IRGM: variants seen among roughly 807,000 people sequenced by gnomAD.
IRGM encodes the protein immunity related GTPase M.
For synonymous variants in IRGM, 98 were observed against 80.6 expected, an observed-to-expected ratio of 1.22 and a Z score of -1.16; for missense variants, 288 against 219.9, an observed-to-expected ratio of 1.31 and a Z score of -1.96.
Position 150,848,504 on chromosome 5 carries a change from T to A in IRGM, c.381T>A (p.His127Gln). ...MVASAQFSMN[H>Q]VMLAKTAEDM... Reference sequence around the variant, plus strand: ...CATCTGCACAATTCAGCATGAATCATGTGATGCTTGCCAAAACCGCTGAGG... The same window carrying A: ...CATCTGCACAATTCAGCATGAATCAAGTGATGCTTGCCAAAACCGCTGAGG... Residue 127 changes from histidine to glutamine, a missense_variant, in exon 2 of 2, where the codon CAT becomes CAA. By Grantham distance (24) the His-to-Gln change is conservative. Transcript: ENST00000522154. 6.4e-7 allele frequency: 1 copy of A among 1,551,862 alleles called. No individual in the cohort carries two copies. The highest frequency in any genetic ancestry group is 8.7e-7 in the Non-Finnish European group (1 of 1,146,988).
rs569395551 is a variant in IRGM, at chr5:150,848,695, A to G, written c.*26A>G. 2.8e-5 allele frequency: 40 copies of G among 1,425,334 alleles called. No individual in the cohort carries two copies. The highest frequency in any genetic ancestry group is 5.7e-5 in the African/African-American group (4 of 70,056). 88.3% of individuals were successfully genotyped at this position (1,425,334 alleles called of 1,614,324 possible). A position where few individuals can be genotyped will look rare whatever the true frequency, so the allele number is the denominator to read the frequency against. ...TTCCTGTCTTCATTAAACATTTTCC[A>G]TCTCCTCCTATTGATTCCTTTTCTC... On this transcript the variant is annotated 3_prime_UTR_variant, in exon 2 of 2. Coordinates refer to ENST00000522154, the MANE Select transcript of IRGM (RefSeq NM_001145805.2).
At chr5:150,894,230 G>A (rs1290874419) in intron 3 of IRGM, among the ~76,000 whole-genome samples, 1 of 152,008 alleles carries the variant, frequency 6.6e-6, no homozygotes, top group African/African-American at 2.4e-5. Flanking sequence ...GCTTATGGGG[G>A]AATGGATGGA....
At chr5:150,882,209 G>A (rs768051172) in intron 3 of IRGM, among the ~76,000 whole-genome samples, 7 of 146,630 alleles carry the variant, frequency 4.8e-5, no homozygotes, top group Admixed American at 1.3e-4. Flanking sequence ...ACAGAATGAG[G>A]CCCTGTCTCA....
chr5:150,893,138 ATT>A (rs1754642676), intron 3 of IRGM, among the ~76,000 whole-genome samples: 1 of 152,054 alleles, frequency 6.6e-6, no homozygotes, highest in African/African-American at 2.4e-5. Context: ...TATGCAGTAA[ATT>A]TGTTTTTTCT....
chr5:150,873,156 A>G (rs781082240), intron 1 of IRGM, among the ~76,000 whole-genome samples: 5 of 152,248 alleles, frequency 3.3e-5, no homozygotes, highest in African/African-American at 7.2e-5. Flanking sequence ...TGACTCATGT[A>G]GAGCTCTGGC....
At chr5:150,874,843 T>G (rs1041143513) in intron 1 of IRGM, among the ~76,000 whole-genome samples, 15 of 152,172 alleles carry the variant, frequency 9.9e-5, no homozygotes, top group Non-Finnish European at 1.8e-4. Context: ...ATAACTACTC[T>G]CCTTTTGAGA....
chr5:150,867,863 C>T (rs186442626), intron 1 of IRGM, among the ~76,000 whole-genome samples: 49 of 148,790 alleles, frequency 3.3e-4, no homozygotes, highest in Non-Finnish European at 6.6e-4. Flanking sequence ...TCTTTTAGTT[C>T]CTTGTAGATT....
intron 3 of IRGM, among the ~76,000 whole-genome samples, chr5:150,899,335 G>T (rs1466900679): frequency 6.6e-6 from 1 of 151,836 alleles, no homozygotes; most frequent in Non-Finnish European, 1.5e-5. Context: ...AGTACTAAAG[G>T]CCATAAAAGT....
At chr5:150,850,946 T>G (rs983298020), downstream of IRGM, among the ~76,000 whole-genome samples, 1 of 152,206 alleles carries the variant, frequency 6.6e-6, no homozygotes, top group South Asian at 2.1e-4. Context: ...AGCTTTCTAT[T>G]TTAATGAGCA....
chr5:150,870,997 T>C (rs1174993163), intron 1 of IRGM, among the ~76,000 whole-genome samples: 1 of 150,454 alleles, frequency 6.6e-6, no homozygotes, highest in South Asian at 2.1e-4. Flanking sequence ...AAAAGTGGTA[T>C]GGTGGGAGGA....
At chr5:150,851,318 C>T (rs1372158713), downstream of IRGM, among the ~76,000 whole-genome samples, 3 of 152,066 alleles carry the variant, frequency 2.0e-5, no homozygotes, top group Non-Finnish European at 4.4e-5. Flanking sequence ...CATCTTCCTC[C>T]CCCTTATCTG....
intron 1 of IRGM, among the ~76,000 whole-genome samples, chr5:150,856,101 G>A (rs990329350): frequency 6.6e-6 from 1 of 152,074 alleles, no homozygotes; most frequent in Non-Finnish European, 1.5e-5. Context: ...GTATATATAT[G>A]TCCAAATTTT....
intron 2 of IRGM, among the ~76,000 whole-genome samples, chr5:150,879,040 C>T (rs771950583): frequency 1.3e-5 from 2 of 152,080 alleles, no homozygotes; most frequent in Non-Finnish European, 2.9e-5. Flanking sequence ...CTAGTAATTA[C>T]TTAGGTCACT....
intron 1 of IRGM, among the ~76,000 whole-genome samples, chr5:150,871,959 T>C (rs551922783): frequency 2.2e-4 from 34 of 152,318 alleles, no homozygotes; most frequent in Admixed American, 5.9e-4. Flanking sequence ...CCATGATAGA[T>C]TTTTGTAATT....
chr5:150,895,670 A>G, intron 3 of IRGM: 2 of 1,613,456 alleles, frequency 1.2e-6, no homozygotes, highest in Non-Finnish European at 1.7e-6. Context: ...CACATTCAGT[A>G]CATATATAAG....
chr5:150,880,862 C>T (rs1019669022), intron 3 of IRGM, among the ~76,000 whole-genome samples: 13 of 152,174 alleles, frequency 8.5e-5, no homozygotes, highest in African/African-American at 2.9e-4. Context: ...CACAGTGGCT[C>T]ATGCCTGTAA....
chr5:150,848,539 A>T lies in IRGM; in HGVS notation c.416A>T (p.Lys139Met), dbSNP rs1282432028. ...MLAKTAEDMG[K>M]KFYIVWTKLD... Reference sequence around the variant, plus strand: ...GCCAAAACCGCTGAGGACATGGGAAAGAAGTTCTACATTGTCTGGACCAAG... The same window carrying T: ...GCCAAAACCGCTGAGGACATGGGAATGAAGTTCTACATTGTCTGGACCAAG... The change falls in exon 2 of 2, where the codon AAG becomes ATG. Residue 139 changes from lysine to methionine, a missense_variant. By Grantham distance (95) the Lys-to-Met change is moderately conservative. Transcript: ENST00000522154. The T allele has an allele frequency of 6.4e-7, 1 of 1,551,896 alleles. No individual in the cohort carries two copies. The highest frequency in any genetic ancestry group is 2.0e-5 in the Admixed American group (1 of 51,014).
Position 150,848,559 on chromosome 5 carries a change from A to G in IRGM, c.436A>G (p.Thr146Ala). 5 of 1,551,740 alleles carry G rather than the reference A, an allele frequency of 3.2e-6. No homozygotes were observed. The highest frequency in any genetic ancestry group is 4.4e-6 in the Non-Finnish European group (5 of 1,146,870). ...GGGAAAGAAGTTCTACATTGTCTGGACCAAGCTAGACATGGACCTCAGCAC... is the reference window on the plus strand; with the variant it reads ...GGGAAAGAAGTTCTACATTGTCTGGGCCAAGCTAGACATGGACCTCAGCAC... ...DMGKKFYIVW[T>A]KLDMDLSTGA... is the part of the protein sequence containing the mutation. Residue 146 changes from threonine (T) to alanine (A), a missense_variant, in exon 2 of 2, where the codon ACC becomes GCC. By Grantham distance (58) the Thr-to-Ala change is moderately conservative. Transcript: ENST00000522154.
intron 1 of IRGM, among the ~76,000 whole-genome samples, chr5:150,854,339 A>G (rs1754018155): frequency 6.6e-6 from 1 of 152,140 alleles, no homozygotes; most frequent in African/African-American, 2.4e-5. Context: ...AAGTGTAGTT[A>G]CAAGCCAAAA....
Sources: gnomAD v4.1 joint callset for allele counts (sites outside exome capture counted in the v4.1 genomes callset) on GRCh38, gnomAD v4.1.1 for gene constraint, MANE v1.5 for transcripts, NCBI Gene and HGNC (gene_info 2026-07-23, HGNC 2026-07-21) for gene names.